The following KCNQ1 variants were observed in gnomAD, a reference collection of about 807,000 sequenced individuals.
KCNQ1 encodes the protein potassium voltage-gated channel subfamily KQT member 1.
KCNQ1 carries 49 observed loss-of-function variants against 72.4 expected under a neutral mutation model. The observed-to-expected ratio is 0.68, with a 90% CI of 0.54 to 0.86. The LOEUF (loss-of-function observed/expected upper bound fraction) is 0.86. KCNQ1 is among the 40% of genes least tolerant of loss of function. The pLI is 0.00. For synonymous variants in KCNQ1, 450 were observed against 412.6 expected (o/e 1.09, Z -1.10); for missense variants, 790 against 945.1 (o/e 0.84, Z 2.15).
At chr11:2,700,808 C>T (rs1016334721) in intron 11 of KCNQ1, among the ~76,000 whole-genome samples, 1 of 152,038 alleles carries the variant, frequency 6.6e-6, no homozygotes, top group Non-Finnish European at 1.5e-5. Context: ...CACTTGACCG[C>T]GTCTGCCGGC....
At chr11:2,618,144 T>C (rs993973052) in intron 10 of KCNQ1, 2 of 398,366 alleles carry the variant, frequency 5.0e-6, no homozygotes, top group Non-Finnish European at 8.8e-6. Flanking sequence ...CTTCTGGTTG[T>C]GGGTTTTGGT....
chr11:2,594,365 T>C (rs1447581239), intron 10 of KCNQ1, among the ~76,000 whole-genome samples: 3 of 152,192 alleles, frequency 2.0e-5, no homozygotes, highest in Non-Finnish European at 4.4e-5. Context: ...ACTTTAGTGT[T>C]CAGAGGTTTC....
At chr11:2,503,153 A>C (rs1564799448) in intron 1 of KCNQ1, among the ~76,000 whole-genome samples, 1 of 152,222 alleles carries the variant, frequency 6.6e-6, no homozygotes. Flanking sequence ...CCCTACAAGC[A>C]CAGGCAACCG....
intron 2 of KCNQ1, among the ~76,000 whole-genome samples, chr11:2,540,315 C>T (rs1250634212): frequency 6.6e-6 from 1 of 152,218 alleles, no homozygotes; most frequent in Non-Finnish European, 1.5e-5. Context: ...AGGCCCTGGC[C>T]GTGCACCATT....
Position 2,611,015 on chromosome 11 carries a change from T to C in KCNQ1, c.1393+22161T>C. 1 of 398,502 alleles carries C rather than the reference T, an allele frequency of 2.5e-6. No homozygotes were observed. The highest frequency in any genetic ancestry group is 4.4e-5 in the Admixed American group (1 of 22,730). 24.7% of individuals were successfully genotyped at this position (398,502 alleles called of 1,614,324 possible). On this transcript the variant is annotated intron_variant, in intron 10 of 15. Transcript: ENST00000155840. The surrounding 1 kb of genome is among the most constrained non-coding windows in gnomAD (Gnocchi z 5.3). ...TGAGTTGTCTATTATTGTTCAGTTG[T>C]CTGTTTCTCTCTTCATTTCTGACAG... is the stretch of plus-strand genomic sequence containing the variant.
intron 12 of KCNQ1, among the ~76,000 whole-genome samples, chr11:2,775,174 C>T (rs963568300): frequency 4.6e-5 from 7 of 152,250 alleles, no homozygotes; most frequent in Admixed American, 3.3e-4. Flanking sequence ...CCTGGCTGCT[C>T]CACCTGAGTG....
rs1850006798 is a variant in KCNQ1 at position 2,663,496 on chromosome 11, G to A, written c.1514+1415G>A. On this transcript the variant is annotated intron_variant, in intron 11 of 15. Transcript: ENST00000155840. The surrounding 1 kb of genome is among the most constrained non-coding windows in gnomAD (Gnocchi z 5.2). ...GGCTCATGTTGTGTGCAATACAGGTGGCAGTGCCTGTATTGCCTCTTGGCT... is the reference window on the plus strand; with the variant it reads ...GGCTCATGTTGTGTGCAATACAGGTAGCAGTGCCTGTATTGCCTCTTGGCT... The A allele has an allele frequency of 5.0e-6, 2 of 398,680 alleles. No individual in the cohort carries two copies. Among genetic ancestry groups the A allele is most frequent in the Admixed American group, 8.8e-5 (2 of 22,744 alleles). The allele number at this position is 398,680 out of a possible 1,614,324, so 24.7% of individuals were successfully genotyped here.
At chr11:2,583,081 C>T (rs1564824161) in intron 6 of KCNQ1, among the ~76,000 whole-genome samples, 1 of 152,140 alleles carries the variant, frequency 6.6e-6, no homozygotes, top group African/African-American at 2.4e-5. Flanking sequence ...CGCACAGCAA[C>T]GTCGGTGGCC....
At chr11:2,476,107 A>G (rs1846565203) in intron 1 of KCNQ1, among the ~76,000 whole-genome samples, 1 of 152,254 alleles carries the variant, frequency 6.6e-6, no homozygotes, top group Non-Finnish European at 1.5e-5. Context: ...TGAATTATTG[A>G]TATAGTTAAA....
At position 2,481,389 on chromosome 11, in the gene KCNQ1, G is replaced by T. The variant is rs147236577; in HGVS notation, c.386+35905G>T. Among the ~76,000 whole-genome samples, 1 of 152,220 alleles carries T rather than the reference G, an allele frequency of 6.6e-6. No individual in the cohort carries two copies. The highest frequency in any genetic ancestry group is 1.5e-5 in the Non-Finnish European group (1 of 68,010). ...CGCGTGCATGCACATGTTTCTACTT[G>T]GTCTTTGTGTGTGTGTTAAGGGCGT... is the stretch of plus-strand genomic sequence containing the variant. On this transcript the variant is annotated intron_variant, in intron 1 of 15. Coordinates refer to ENST00000155840, the MANE Select transcript of KCNQ1 (RefSeq NM_000218.3). The surrounding 1 kb of genome is among the most constrained non-coding windows in gnomAD (Gnocchi z 4.6).
intron 11 of KCNQ1, among the ~76,000 whole-genome samples, chr11:2,718,360 C>T (rs571426637): frequency 2.0e-5 from 3 of 152,210 alleles, no homozygotes; most frequent in Non-Finnish European, 2.9e-5. Context: ...ACCCCCTCCT[C>T]ACCTGCCTGT....
rs1009873807 is a variant in KCNQ1 at position 2,673,822 on chromosome 11, C to A, written c.1514+11741C>A. On this transcript the variant is annotated intron_variant, in intron 11 of 15. Coordinates refer to ENST00000155840, the MANE Select transcript of KCNQ1 (RefSeq NM_000218.3). The surrounding 1 kb of genome is among the most constrained non-coding windows in gnomAD (Gnocchi z 4.5). ...TGATGGCCCTTCAATCCCAGGCCCA[C>A]AAGCACCACAGCCAGGAGAGTCAAG... 1.3e-5 allele frequency: 5 copies of A among 398,648 alleles called. No homozygotes were observed. Among genetic ancestry groups the A allele is most frequent in the African/African-American group, 4.1e-5 (2 of 48,632 alleles). The allele number at this position is 398,648 out of a possible 1,614,324, so 24.7% of individuals were successfully genotyped here. A position where few individuals can be genotyped will look rare whatever the true frequency, so the allele number is the denominator to read the frequency against.
chr11:2,604,555 C>G (rs1014987113), intron 10 of KCNQ1, among the ~76,000 whole-genome samples: 5 of 151,182 alleles, frequency 3.3e-5, no homozygotes, highest in Middle Eastern at 3.2e-3. Flanking sequence ...TGATCACTAT[C>G]TTTTTTTTGA....
chr11:2,497,596 G>A lies in KCNQ1; in HGVS notation c.387-30332G>A, dbSNP rs1277521396. On this transcript the variant is annotated intron_variant, in intron 1 of 15. Coordinates refer to ENST00000155840, the MANE Select transcript of KCNQ1 (RefSeq NM_000218.3). The surrounding 1 kb of genome is among the most constrained non-coding windows in gnomAD (Gnocchi z 4.5). ...CTTTTATCAGGTTCTTAGCTTCCTT[G>A]CATTGGGTTAGAACATGCTTCTCTA... Among the ~76,000 whole-genome samples, 1 of 152,024 alleles carries A rather than the reference G, an allele frequency of 6.6e-6. No homozygotes were observed. The highest frequency in any genetic ancestry group is 1.9e-4 in the East Asian group (1 of 5,180).
At position 2,752,248 on chromosome 11, in the gene KCNQ1, C is replaced by T. The variant is rs928704980; in HGVS notation, c.1515-16596C>T. 6.6e-6 allele frequency among the ~76,000 whole-genome samples: 1 copy of T among 151,464 alleles called. No individual in the cohort carries two copies. The highest frequency in any genetic ancestry group is 2.5e-5 in the African/African-American group (1 of 40,770). On this transcript the variant is annotated intron_variant, in intron 11 of 15. Transcript: ENST00000155840. This position sits in a 1 kb window ranked among gnomAD's most constrained non-coding sequence, Gnocchi z 5.2. Reference sequence around the variant, plus strand: ...TTTAGCTTCACAGGTGATCTGAACCCAGCTGAGTGGCTTCCATGGAGCTGA... The same window carrying T: ...TTTAGCTTCACAGGTGATCTGAACCTAGCTGAGTGGCTTCCATGGAGCTGA...
chr11:2,555,575 C>T (rs903185900), intron 2 of KCNQ1, among the ~76,000 whole-genome samples: 1 of 152,234 alleles, frequency 6.6e-6, no homozygotes, highest in African/African-American at 2.4e-5. Flanking sequence ...CGGCTTGGGC[C>T]ACTCCTGTGT....
intron 11 of KCNQ1, among the ~76,000 whole-genome samples, chr11:2,700,265 C>T (rs1850781488): frequency 1.3e-5 from 2 of 152,132 alleles, no homozygotes; most frequent in Admixed American, 6.5e-5. Context: ...TCCCTGCCCC[C>T]ACCCGTCGTC....
Position 2,564,018 on chromosome 11 carries a change from C to T in KCNQ1, c.478-6610C>T, listed in dbSNP as rs1848211080. On this transcript the variant is annotated intron_variant, in intron 2 of 15. Coordinates refer to ENST00000155840, the MANE Select transcript of KCNQ1 (RefSeq NM_000218.3). The surrounding 1 kb of genome is among the most constrained non-coding windows in gnomAD (Gnocchi z 4.5). Reference sequence around the variant, plus strand: ...AGGCCCACAGAATCCTTTTGGAGACCTGACCCGCGGGAGCCCAGGTGAGCA... The same window carrying T: ...AGGCCCACAGAATCCTTTTGGAGACTTGACCCGCGGGAGCCCAGGTGAGCA... 6.6e-6 allele frequency among the ~76,000 whole-genome samples: 1 copy of T among 152,112 alleles called. No homozygotes were observed. Among genetic ancestry groups the T allele is most frequent in the Non-Finnish European group, 1.5e-5 (1 of 68,028 alleles).
chr11:2,734,173 A>C lies in KCNQ1; in HGVS notation c.1515-34671A>C, dbSNP rs1466874108. ...GCCCGCAGGTGTGTGTGAGAGGTGC[A>C]TGGTGGACGTCCAAAGAATAAACGA... On this transcript the variant is annotated intron_variant, in intron 11 of 15. Coordinates refer to ENST00000155840, the MANE Select transcript of KCNQ1 (RefSeq NM_000218.3). The surrounding 1 kb of genome is among the most constrained non-coding windows in gnomAD (Gnocchi z 7.0). 1.3e-5 allele frequency among the ~76,000 whole-genome samples: 2 copies of C among 152,074 alleles called. No individual in the cohort carries two copies. The highest frequency in any genetic ancestry group is 2.9e-5 in the Non-Finnish European group (2 of 68,002).
Sources: gnomAD v4.1 joint callset for allele counts (sites outside exome capture counted in the v4.1 genomes callset) on GRCh38, gnomAD v4.1.1 for gene constraint, Gnocchi (gnomAD v3.1) non-coding constraint, MANE v1.5 for transcripts, NCBI Gene and HGNC (gene_info 2026-07-23, HGNC 2026-07-21) for gene names.